Variants in VPS50 observed in about 807,000 individuals in gnomAD.
VPS50 encodes VPS50 subunit of EARP/GARPII complex.
Under a neutral mutation model 139.7 loss-of-function variants are expected in VPS50, and 70 were observed. That is an observed-to-expected ratio of 0.50 (90% CI 0.41 to 0.61). The LOEUF (loss-of-function observed/expected upper bound fraction) is 0.61. Among genes scored for constraint, VPS50 ranks in the 20% least tolerant of loss-of-function variants. The pLI, the probability that VPS50 is intolerant of heterozygous loss-of-function variation, is 0.00. For missense variants in VPS50, 921 were observed against 1,133.7 expected, an observed-to-expected ratio of 0.81 and a Z score of 2.69; for synonymous variants, 365 against 376.7, an observed-to-expected ratio of 0.97 and a Z score of 0.36.
At chr7:93,284,452 A>G (rs902087902) in intron 12 of VPS50, among the ~76,000 whole-genome samples, 5 of 152,196 alleles carry the variant, frequency 3.3e-5, no homozygotes, top group Non-Finnish European at 7.3e-5. Context: ...CCTGCCAACT[A>G]AAGAAGAACT....
At chr7:93,276,360 T>G in intron 12 of VPS50, 55 bp downstream of exon 12, 2 of 1,540,486 alleles carry the variant, frequency 1.3e-6, no homozygotes, top group Non-Finnish European at 1.8e-6. Flanking sequence ...TTTAAATTTA[T>G]ATTTCCTTTA....
At chr7:93,261,406 G>A (rs1584399923) in intron 9 of VPS50, among the ~76,000 whole-genome samples, 1 of 152,026 alleles carries the variant, frequency 6.6e-6, no homozygotes, top group Non-Finnish European at 1.5e-5. Flanking sequence ...GGCCGGGCGC[G>A]GTGGCTCACG....
intron 12 of VPS50, 59 bp from the exon 13 acceptor site, chr7:93,291,644 A>G (rs1796651792): frequency 1.1e-6 from 1 of 918,168 alleles, no homozygotes; most frequent in Non-Finnish European, 1.5e-6. Context: ...AACCTATTTT[A>G]TTATAACTGT....
chr7:93,250,763 C>G (rs781666853), intron 2 of VPS50, among the ~76,000 whole-genome samples: 1 of 152,086 alleles, frequency 6.6e-6, no homozygotes, highest in Non-Finnish European at 1.5e-5. Flanking sequence ...AGGCAACCTA[C>G]AGAATGGGAG....
chr7:93,273,818 A>G (rs1796078090), intron 11 of VPS50, among the ~76,000 whole-genome samples: 1 of 152,154 alleles, frequency 6.6e-6, no homozygotes, highest in African/African-American at 2.4e-5. Flanking sequence ...TGCATCAAGC[A>G]AGTCTGTCAG....
At chr7:93,291,441 A>T (rs1796645360) in intron 12 of VPS50, among the ~76,000 whole-genome samples, 1 of 152,084 alleles carries the variant, frequency 6.6e-6, no homozygotes, top group African/African-American at 2.4e-5. Context: ...CTAATTCAGT[A>T]ATTTCTTTAT....
In VPS50 at chr7:93,358,349, GA is replaced by G. The variant is rs1798764437; in HGVS notation, c.2810del (p.Asn937MetfsTer17). On this transcript the variant is annotated frameshift_variant, in exon 28 of 28. Transcript: ENST00000305866. LOFTEE classifies it high-confidence loss of function. ...CAACGAAGCAGCTGACCAATCTGGT[GA>G]ATGTTTGCCTGGGATCCCATATCAA... ...YSTKQLTNLV[N>X]VCLGSHINKK... 2 of 1,612,734 alleles carry G rather than the reference GA, an allele frequency of 1.2e-6. No individual in the cohort carries two copies. The highest frequency in any genetic ancestry group is 8.5e-7 in the Non-Finnish European group (1 of 1,179,042).
At chr7:93,302,378 T>A (rs1402471961) in intron 16 of VPS50, among the ~76,000 whole-genome samples, 1 of 151,934 alleles carries the variant, frequency 6.6e-6, no homozygotes, top group African/African-American at 2.4e-5. Flanking sequence ...TTGCTTCAGT[T>A]TAGATATTTT....
intron 12 of VPS50, among the ~76,000 whole-genome samples, chr7:93,283,864 T>C (rs142512195): frequency 6.6e-6 from 1 of 152,166 alleles, no homozygotes. Context: ...TTGTCTGGCT[T>C]GGTTTAACCG....
At chr7:93,335,886 G>A (rs1798056943) in intron 22 of VPS50, among the ~76,000 whole-genome samples, 1 of 152,188 alleles carries the variant, frequency 6.6e-6, no homozygotes, top group South Asian at 2.1e-4. Context: ...CCCTTAAGAT[G>A]TGGATTTCTG....
chr7:93,309,899 C>T (rs1797217808), intron 19 of VPS50, among the ~76,000 whole-genome samples: 1 of 151,784 alleles, frequency 6.6e-6, no homozygotes, highest in Non-Finnish European at 1.5e-5. Context: ...TATCGTTTAA[C>T]CCTAAGCTAC....
intron 17 of VPS50, among the ~76,000 whole-genome samples, chr7:93,305,315 TGTTTCTTGGTATATAGCGAAAA>T (rs1276318520): frequency 3.2e-4 from 48 of 151,968 alleles, no homozygotes; most frequent in African/African-American, 1.1e-3. Flanking sequence ...TTGTGTTGTC[TGTTTCTTGGTATATAGCGAAAA>T]GTAAATGAAA....
intron 2 of VPS50, among the ~76,000 whole-genome samples, chr7:93,249,672 C>T (rs1187208457): frequency 3.9e-5 from 6 of 152,140 alleles, no homozygotes; most frequent in South Asian, 2.1e-4. Flanking sequence ...TGCAGAATTC[C>T]TAGGGAGGCA....
intron 1 of VPS50, among the ~76,000 whole-genome samples, chr7:93,237,095 C>T (rs372184215): frequency 2.6e-5 from 4 of 151,012 alleles, no homozygotes; most frequent in Admixed American, 1.3e-4. Context: ...GGACTACAGA[C>T]GCCCGCCACC....
At chr7:93,326,884 T>C (rs1468924238) in intron 21 of VPS50, among the ~76,000 whole-genome samples, 9 of 152,192 alleles carry the variant, frequency 5.9e-5, no homozygotes, top group Admixed American at 5.9e-4. Flanking sequence ...CATAATCATT[T>C]TATATAGGAC....
intron 8 of VPS50, 70 bp downstream of exon 8, chr7:93,258,462 G>A (rs1795559496): frequency 2.5e-6 from 3 of 1,186,886 alleles, no homozygotes; most frequent in Non-Finnish European, 3.7e-6. Context: ...ACAAAATTCA[G>A]AAGTGCATTT....
At chr7:93,339,262 A>G (rs1293561095) in intron 22 of VPS50, among the ~76,000 whole-genome samples, 1 of 151,978 alleles carries the variant, frequency 6.6e-6, no homozygotes, top group African/African-American at 2.4e-5. Flanking sequence ...TTCCCCAACT[A>G]ACTTTTAAAT....
At chr7:93,246,304 C>T (rs563907972) in intron 2 of VPS50, among the ~76,000 whole-genome samples, 1 of 151,854 alleles carries the variant, frequency 6.6e-6, no homozygotes, top group South Asian at 2.1e-4. Flanking sequence ...ACATACACTG[C>T]ATTCTGCCAT....
chr7:93,264,254 T>C (rs867354398), intron 9 of VPS50, among the ~76,000 whole-genome samples: 5 of 152,228 alleles, frequency 3.3e-5, no homozygotes, highest in South Asian at 2.1e-4. Flanking sequence ...TTCACTTTTA[T>C]AACTGAGAGA....
Sources: gnomAD v4.1 joint callset for allele counts (sites outside exome capture counted in the v4.1 genomes callset) on GRCh38, gnomAD v4.1.1 for gene constraint, MANE v1.5 for transcripts, NCBI Gene and HGNC (gene_info 2026-07-23, HGNC 2026-07-21) for gene names.